The following PPARGC1A variants were observed in gnomAD, a reference collection of about 807,000 sequenced individuals.
PPARGC1A encodes PPARG coactivator 1 alpha.
A neutral mutation model predicts 88.7 loss-of-function variants in PPARGC1A; 25 were observed. The observed-to-expected ratio is 0.28, with a 90% CI of 0.21 to 0.39. The LOEUF (loss-of-function observed/expected upper bound fraction) is 0.39. PPARGC1A is among the 10% of genes least tolerant of loss of function. PPARGC1A has a pLI of 1.00. For synonymous variants in PPARGC1A, 363 were observed against 355.6 expected (o/e 1.02, Z -0.24); for missense variants, 880 against 968.7 (o/e 0.91, Z 1.22).
At chr4:24,247,284 A>G in the PPARGC1A span, among the ~76,000 whole-genome samples, 22 of 152,312 alleles carry the variant, frequency 1.4e-4, no homozygotes, top group Middle Eastern at 6.8e-3. Flanking sequence ...TCCTCATTGT[A>G]TCATCTATGC....
chr4:24,051,251 TGG>T, the PPARGC1A span, among the ~76,000 whole-genome samples: 1 of 147,138 alleles, frequency 6.8e-6, no homozygotes, highest in African/African-American at 2.5e-5. Context: ...TTTTATTGCA[TGG>T]GAACCATACT....
At chr4:23,899,178 G>C (rs914207309) in intron 1 of PPARGC1A, 7 of 152,128 alleles carry the variant, frequency 4.6e-5, no homozygotes, top group Admixed American at 3.3e-4. Flanking sequence ...ATCCATGTTA[G>C]TAGATCCATT....
rs576825008 is a variant in PPARGC1A, at chr4:23,801,351, AACAC to A, written c.2293+375_2293+378del. Among the ~76,000 whole-genome samples the A allele has an allele frequency of 3.1e-3, 471 of 151,988 alleles. 2 individuals carry two copies. Among genetic ancestry groups the A allele is most frequent in the African/African-American group, 0.01 (427 of 41,430 alleles). On this transcript the variant is annotated intron_variant, in intron 12 of 12. Transcript: ENST00000264867. ...ACACATACATGTTTAATATTCACAC[AACAC>A]ACACAGACACACACAATATCCACAG... is the stretch of plus-strand genomic sequence containing the variant.
chr4:24,315,392 A>G, the PPARGC1A span, among the ~76,000 whole-genome samples: 2 of 152,184 alleles, frequency 1.3e-5, no homozygotes, highest in African/African-American at 4.8e-5. Flanking sequence ...CTTTCTTGAT[A>G]TGCAGAAGCT....
intron 10 of PPARGC1A, among the ~76,000 whole-genome samples, chr4:23,804,457 T>C (rs1719393989): frequency 6.6e-6 from 1 of 152,238 alleles, no homozygotes; most frequent in Non-Finnish European, 1.5e-5. Flanking sequence ...ATCTCCTAAC[T>C]TGGATCTGTG....
chr4:24,299,202 A>G, the PPARGC1A span, among the ~76,000 whole-genome samples: 1 of 152,188 alleles, frequency 6.6e-6, no homozygotes, highest in Non-Finnish European at 1.5e-5. Flanking sequence ...TTCTCTAAGG[A>G]CCTGATTTTA....
the PPARGC1A span, among the ~76,000 whole-genome samples, chr4:23,944,966 C>T: frequency 6.6e-6 from 1 of 152,178 alleles, no homozygotes; most frequent in Admixed American, 6.5e-5. Context: ...GCTCTATCAC[C>T]TATTAGCTAT....
chr4:24,265,615 G>A, the PPARGC1A span, among the ~76,000 whole-genome samples: 1 of 152,078 alleles, frequency 6.6e-6, no homozygotes, highest in Non-Finnish European at 1.5e-5. Flanking sequence ...ATTCCATAGG[G>A]ATGTGTTGAT....
chr4:24,154,741 T>A, the PPARGC1A span, among the ~76,000 whole-genome samples: 3 of 152,186 alleles, frequency 2.0e-5, no homozygotes, highest in African/African-American at 7.2e-5. Context: ...ATGAGAAAGC[T>A]CTTCTGTCTG....
intron 2 of PPARGC1A, among the ~76,000 whole-genome samples, chr4:23,837,974 A>C (rs1011796808): frequency 2.0e-5 from 3 of 152,230 alleles, no homozygotes; most frequent in Admixed American, 6.5e-5. Context: ...ATAAGAAAGT[A>C]AAGTCAAAAT....
the PPARGC1A span, among the ~76,000 whole-genome samples, chr4:23,938,855 G>T: frequency 6.6e-6 from 1 of 152,218 alleles, no homozygotes; most frequent in Non-Finnish European, 1.5e-5. Flanking sequence ...AGAAGTAAGA[G>T]CTAAGGAGAG....
At chr4:24,285,071 T>A in the PPARGC1A span, among the ~76,000 whole-genome samples, 1 of 152,062 alleles carries the variant, frequency 6.6e-6, no homozygotes, top group Non-Finnish European at 1.5e-5. Flanking sequence ...AATCATGCAG[T>A]GAGGCAAAGA....
At chr4:23,825,925 T>C (rs1378891960) in intron 5 of PPARGC1A, among the ~76,000 whole-genome samples, 3 of 152,156 alleles carry the variant, frequency 2.0e-5, no homozygotes, top group Admixed American at 2.0e-4. Context: ...TTTACCAAGT[T>C]TTATGATACT....
chr4:24,313,760 G>A, the PPARGC1A span, among the ~76,000 whole-genome samples: 1 of 152,158 alleles, frequency 6.6e-6, no homozygotes, highest in South Asian at 2.1e-4. Context: ...TTTAAAATGT[G>A]TATGTCAAAT....
the PPARGC1A span, among the ~76,000 whole-genome samples, chr4:24,219,163 C>T: frequency 6.6e-6 from 1 of 152,194 alleles, no homozygotes; most frequent in Admixed American, 6.5e-5. Flanking sequence ...CCAGCCAAAC[C>T]TCTTGGAGAT....
chr4:23,830,974 A>G (rs1405739679), intron 3 of PPARGC1A, among the ~76,000 whole-genome samples: 1 of 152,226 alleles, frequency 6.6e-6, no homozygotes, highest in Non-Finnish European at 1.5e-5. Flanking sequence ...TGATCTACCA[A>G]TTCTTTCTAG....
At chr4:24,464,940 G>A in the PPARGC1A span, among the ~76,000 whole-genome samples, 1 of 152,076 alleles carries the variant, frequency 6.6e-6, no homozygotes, top group Non-Finnish European at 1.5e-5. Context: ...CAACTACACC[G>A]AACAAATGCA....
the PPARGC1A span, among the ~76,000 whole-genome samples, chr4:24,067,408 C>A: frequency 2.0e-5 from 3 of 152,154 alleles, no homozygotes; most frequent in Non-Finnish European, 2.9e-5. Context: ...CATCAAAATG[C>A]CCCCAAAGGG....
chr4:24,132,075 T>A, the PPARGC1A span, among the ~76,000 whole-genome samples: 1 of 152,170 alleles, frequency 6.6e-6, no homozygotes, highest in Non-Finnish European at 1.5e-5. Context: ...GAGGAAGACA[T>A]TTTGCACACA....
Sources: allele counts gnomAD v4.1 joint callset (sites outside exome capture counted in the v4.1 genomes callset), GRCh38; gene constraint gnomAD v4.1.1; transcripts MANE v1.5; gene names NCBI Gene and HGNC (gene_info 2026-07-23, HGNC 2026-07-21).